The following TENM3 variants were observed in gnomAD, a reference collection of about 807,000 sequenced individuals.
TENM3 encodes teneurin transmembrane protein 3, also known as teneurin-3.
TENM3 carries 63 observed loss-of-function variants against 255.1 expected under a neutral mutation model. The observed-to-expected ratio is 0.25, with a 90% CI of 0.20 to 0.30. TENM3 has a LOEUF of 0.30. Among genes scored for constraint, TENM3 ranks in the 10% least tolerant of loss-of-function variants. TENM3 has a pLI of 1.00. For missense variants in TENM3, 2,929 were observed against 3,461.1 expected, an observed-to-expected ratio of 0.85 and a Z score of 3.86; for synonymous variants, 1,306 against 1,322.3, an observed-to-expected ratio of 0.99 and a Z score of 0.27.
chr4:182,044,932 A>G, the TENM3 span, among the ~76,000 whole-genome samples: 1 of 152,234 alleles, frequency 6.6e-6, no homozygotes, highest in Non-Finnish European at 1.5e-5. Context: ...GGACGAGATG[A>G]AAGAAACAGC....
chr4:181,521,868 G>A, the TENM3 span, among the ~76,000 whole-genome samples: 2 of 151,968 alleles, frequency 1.3e-5, no homozygotes. Context: ...AGGCCAAGAC[G>A]GGCAGATCAC....
chr4:181,451,781 GA>G, the TENM3 span, among the ~76,000 whole-genome samples: 1 of 152,138 alleles, frequency 6.6e-6, no homozygotes, highest in Non-Finnish European at 1.5e-5. Context: ...CATATATCCT[GA>G]AAAAAGTTCT....
chr4:182,680,306 T>C lies in TENM3; in HGVS notation c.1596T>C (p.Thr532=), dbSNP rs370582241. Residue 532 remains threonine (T), a synonymous_variant, in exon 9 of 28, where the codon ACT becomes ACC. Transcript: ENST00000511685. The stretch of plus-strand genomic sequence containing the variant: ...GAAATGGAGAATGCGTTTCTGGAAC[T>C]TGCCATTGTTTTCCAGGATTTCTGG... ...CHGNGECVSG[T]CHCFPGFLGP... The C allele has an allele frequency of 6.2e-7, 1 of 1,613,918 alleles. No individual in the cohort carries two copies. Among genetic ancestry groups the C allele is most frequent in the African/African-American group, 1.3e-5 (1 of 75,036 alleles).
At chr4:182,708,793 G>A (rs539309982) in intron 12 of TENM3, among the ~76,000 whole-genome samples, 7 of 120,356 alleles carry the variant, frequency 5.8e-5, no homozygotes, top group Admixed American at 3.3e-4. Context: ...GCGAGACTCC[G>A]TCTCAAAAAA....
At chr4:182,644,532 T>C (rs182956662) in intron 5 of TENM3, among the ~76,000 whole-genome samples, 2 of 152,230 alleles carry the variant, frequency 1.3e-5, no homozygotes, top group African/African-American at 4.8e-5. Flanking sequence ...TATAATACCA[T>C]GGATTCCGTT....
chr4:182,465,082 A>G (rs1461801529), intron 3 of TENM3, among the ~76,000 whole-genome samples: 1 of 152,202 alleles, frequency 6.6e-6, no homozygotes, highest in African/African-American at 2.4e-5. Flanking sequence ...ATGTTGATTA[A>G]TAACTCTTAG....
chr4:182,305,390 T>C (rs910045257), intron 1 of TENM3, among the ~76,000 whole-genome samples: 3 of 152,194 alleles, frequency 2.0e-5, no homozygotes, highest in African/African-American at 7.2e-5. Context: ...CTTTTATTCC[T>C]TCCAACATGC....
chr4:181,579,888 A>G, the TENM3 span, among the ~76,000 whole-genome samples: 2 of 152,048 alleles, frequency 1.3e-5, no homozygotes, highest in East Asian at 3.9e-4. Flanking sequence ...GACCATCCCC[A>G]TGTTTGGGAG....
chr4:182,409,810 C>A lies in TENM3; in HGVS notation c.511+62881C>A, dbSNP rs975278686. On this transcript the variant is annotated intron_variant, in intron 3 of 27. Transcript: ENST00000511685. ...TTATCATATTCCTTTTTATAATTTT[C>A]TTCTCTTTTTCTTTTTTCTTTTTTT... 2.0e-5 allele frequency among the ~76,000 whole-genome samples: 3 copies of A among 151,626 alleles called. No homozygotes were observed. The South Asian group carries it at 6.2e-4, about 31-fold the overall frequency.
the TENM3 span, among the ~76,000 whole-genome samples, chr4:182,022,838 T>C: frequency 6.6e-5 from 10 of 152,168 alleles, no homozygotes; most frequent in African/African-American, 1.2e-4. Flanking sequence ...TTAAGCATAC[T>C]TAAAAATGTA....
intron 3 of TENM3, among the ~76,000 whole-genome samples, chr4:182,499,510 T>C (rs1447959463): frequency 6.6e-6 from 1 of 152,148 alleles, no homozygotes; most frequent in Non-Finnish European, 1.5e-5. Context: ...CCCATGGGTT[T>C]GGCTGGCAGT....
At chr4:182,240,283 G>A (rs531360587), upstream of TENM3, among the ~76,000 whole-genome samples, 8 of 152,116 alleles carry the variant, frequency 5.3e-5, no homozygotes, top group Admixed American at 1.3e-4. Flanking sequence ...TGTCATGGAC[G>A]TCCACTGAGA....
chr4:182,091,072 T>C, the TENM3 span, among the ~76,000 whole-genome samples: 1 of 152,182 alleles, frequency 6.6e-6, no homozygotes, highest in Admixed American at 6.5e-5. Flanking sequence ...GACAAGGATA[T>C]AAAAGCTCCC....
chr4:181,619,739 T>C, the TENM3 span, among the ~76,000 whole-genome samples: 1 of 152,140 alleles, frequency 6.6e-6, no homozygotes, highest in African/African-American at 2.4e-5. Flanking sequence ...TCAGTACTCA[T>C]TTTAAACAAA....
the TENM3 span, among the ~76,000 whole-genome samples, chr4:181,586,914 G>T: frequency 2.0e-5 from 3 of 152,014 alleles, no homozygotes; most frequent in Non-Finnish European, 2.9e-5. Context: ...TTTCTTAAAA[G>T]AAATTTCTTA....
At chr4:181,936,394 A>G in the TENM3 span, among the ~76,000 whole-genome samples, 1 of 152,184 alleles carries the variant, frequency 6.6e-6, no homozygotes, top group Non-Finnish European at 1.5e-5. Flanking sequence ...GACTCCATCA[A>G]AAGAAAAGGA....
intron 3 of TENM3, among the ~76,000 whole-genome samples, chr4:182,447,532 T>C (rs1773030351): frequency 6.6e-6 from 1 of 152,230 alleles, no homozygotes; most frequent in Non-Finnish European, 1.5e-5. Context: ...ATTTTGTCTT[T>C]ACTGGAGGAA....
chr4:182,356,660 G>C (rs559107975), intron 3 of TENM3, among the ~76,000 whole-genome samples: 1 of 152,058 alleles, frequency 6.6e-6, no homozygotes, highest in East Asian at 1.9e-4. Flanking sequence ...GAGTATGAAT[G>C]TGGGTAACTG....
the TENM3 span, among the ~76,000 whole-genome samples, chr4:181,513,541 A>G: frequency 2.0e-5 from 3 of 152,212 alleles, no homozygotes; most frequent in African/African-American, 7.2e-5. Flanking sequence ...ATATATAAAG[A>G]AAAGGAAGGA....
Sources: allele counts gnomAD v4.1 joint callset (sites outside exome capture counted in the v4.1 genomes callset), GRCh38; gene constraint gnomAD v4.1.1; transcripts MANE v1.5; gene names NCBI Gene and HGNC (gene_info 2026-07-23, HGNC 2026-07-21).